TNRC6C: variants seen among roughly 807,000 people sequenced by gnomAD.
The protein encoded by TNRC6C is trinucleotide repeat containing adaptor 6C, also known as trinucleotide repeat-containing gene 6C protein.
TNRC6C carries 20 observed loss-of-function variants against 153.7 expected under a neutral mutation model. The observed-to-expected ratio is 0.13, with a 90% CI of 0.09 to 0.19. The LOEUF is 0.19. Ranked by LOEUF, TNRC6C falls within the 10% of genes least tolerant of loss-of-function variation. TNRC6C has a pLI of 1.00. For synonymous variants in TNRC6C, 811 were observed against 841.4 expected (o/e 0.96, Z 0.63); for missense variants, 1,987 against 2,172.0 (o/e 0.91, Z 1.69).
Position 78,079,359 on chromosome 17 carries a change from T to A in TNRC6C, c.3211-36T>A, listed in dbSNP as rs1483007680. The A allele has an allele frequency of 1.2e-6, 2 of 1,605,510 alleles. No individual in the cohort carries two copies. The highest frequency in any genetic ancestry group is 2.7e-5 in the African/African-American group (2 of 74,788). ...CTCCAAACAATGTTACTCTAATGCCTGCCTTGGTAACGTGTTTAATTCTGT... is the reference window on the plus strand; with the variant it reads ...CTCCAAACAATGTTACTCTAATGCCAGCCTTGGTAACGTGTTTAATTCTGT... On this transcript the variant is annotated intron_variant, in intron 9 of 19. Coordinates refer to ENST00000301624, the Ensembl canonical transcript of TNRC6C. This position sits in a 1 kb window ranked among gnomAD's most constrained non-coding sequence, Gnocchi z 4.3.
chr17:78,050,767 C>T (rs1358736738), exon 3 of TNRC6C: 2 of 1,599,906 alleles, frequency 1.3e-6, no homozygotes, highest in East Asian at 4.5e-5. Flanking sequence ...GGACAAGTCA[C>T]CCACCTGGGG....
intron 9 of TNRC6C, 95 bp downstream of exon 11, chr17:78,077,429 A>G (rs1416164179): frequency 4.8e-6 from 7 of 1,446,694 alleles, no homozygotes; most frequent in African/African-American, 1.4e-5. Flanking sequence ...TATAGTTAAT[A>G]CCTCTATTTT....
At chr17:78,061,877 T>C (rs2072775908) in intron 3 of TNRC6C, among the ~76,000 whole-genome samples, 1 of 152,240 alleles carries the variant, frequency 6.6e-6, no homozygotes, top group Non-Finnish European at 1.5e-5. Flanking sequence ...TGAACTATGC[T>C]TACCACAATC....
chr17:77,991,478 A>G (rs1256075997), intron 1 of TNRC6C, among the ~76,000 whole-genome samples: 3 of 152,130 alleles, frequency 2.0e-5, no homozygotes, highest in Non-Finnish European at 2.9e-5. Flanking sequence ...AGATGTGGGC[A>G]AGTTGTGGTC....
rs138274572 is a variant in TNRC6C at position 77,978,739 on chromosome 17, C to T, written c.-38+19471C>T. On this transcript the variant is annotated intron_variant, in intron 1 of 22. Coordinates refer to the TNRC6C transcript ENST00000636222. ...AGGGATGACAGACCCTGGTAAACAT[C>T]CCAGGCTTTTGGTTGGAACCACCCT... Among the ~76,000 whole-genome samples, 173 of 152,206 alleles carry T rather than the reference C, an allele frequency of 1.1e-3. 1 individual carries two copies. The highest frequency in any genetic ancestry group is 4.0e-3 in the African/African-American group (164 of 41,516).
At chr17:77,980,857 T>TG (rs374677898) in intron 1 of TNRC6C, among the ~76,000 whole-genome samples, 1 of 152,282 alleles carries the variant, frequency 6.6e-6, no homozygotes, top group Middle Eastern at 3.4e-3. Context: ...GAACAAGGTA[T>TG]GGGGGGTGGG....
exon 11 of TNRC6C, chr17:78,083,157 G>A (rs987589824): frequency 6.2e-7 from 1 of 1,613,718 alleles, no homozygotes; most frequent in Non-Finnish European, 8.5e-7. Context: ...AGCTCTATCA[G>A]CTGCAGCTGG....
intron 16 of TNRC6C, among the ~76,000 whole-genome samples, chr17:78,095,523 T>C (rs1178996416): frequency 6.6e-6 from 1 of 152,194 alleles, no homozygotes; most frequent in Non-Finnish European, 1.5e-5. Context: ...GTGCTCGACG[T>C]TTGGGTCTTG....
chr17:78,091,111 A>AT (rs1191034130), intron 13 of TNRC6C, among the ~76,000 whole-genome samples: 4 of 152,216 alleles, frequency 2.6e-5, no homozygotes, highest in Admixed American at 2.6e-4. Context: ...TTTCACCTTA[A>AT]TTTAGGAATA....
intron 2 of TNRC6C, among the ~76,000 whole-genome samples, chr17:78,038,571 C>T (rs561282972): frequency 3.3e-5 from 5 of 149,788 alleles, no homozygotes; most frequent in African/African-American, 7.4e-5. Flanking sequence ...CCCAGCTACT[C>T]GGGAGGCTGA....
intron 15 of TNRC6C, 153 bp downstream of exon 17, chr17:78,093,277 G>C (rs2073425199): frequency 1.1e-6 from 1 of 931,984 alleles, no homozygotes; most frequent in Admixed American, 2.9e-5. Context: ...AAATCCATTT[G>C]TCAGATCAAT....
intron 5 of TNRC6C, 104 bp from the exon 8 acceptor site, chr17:78,070,981 C>G (rs1030917917): frequency 8.9e-7 from 1 of 1,127,698 alleles, no homozygotes; most frequent in Non-Finnish European, 1.3e-6. Context: ...CAAAAAGATC[C>G]TGTGACTTTT....
At chr17:78,024,857 C>T (rs1050854978) in intron 1 of TNRC6C, among the ~76,000 whole-genome samples, 13 of 151,412 alleles carry the variant, frequency 8.6e-5, no homozygotes, top group African/African-American at 2.7e-4. Flanking sequence ...TGCAATGGTG[C>T]GATCTCAGCT....
chr17:78,101,557 C>CG (rs1555647320), intron 17 of TNRC6C, among the ~76,000 whole-genome samples: 2 of 152,092 alleles, frequency 1.3e-5, no homozygotes, highest in Non-Finnish European at 2.9e-5. Context: ...AGAAATAGAG[C>CG]GGTGTGAAGT....
At chr17:78,064,899 C>A (rs758329456) in exon 4 of TNRC6C, 1 of 1,611,864 alleles carries the variant, frequency 6.2e-7, no homozygotes, top group African/African-American at 1.3e-5. Flanking sequence ...TTTGGAAGAG[C>A]TGGCGCACCT....
chr17:78,034,892 C>G (rs1277539132), intron 2 of TNRC6C, among the ~76,000 whole-genome samples: 1 of 152,076 alleles, frequency 6.6e-6, no homozygotes, highest in Non-Finnish European at 1.5e-5. Context: ...TCGCTTGAGT[C>G]TGGGAGGTGG....
intron 1 of TNRC6C, among the ~76,000 whole-genome samples, chr17:77,972,987 C>A (rs911804223): frequency 2.6e-5 from 4 of 152,334 alleles, no homozygotes; most frequent in African/African-American, 9.6e-5. Context: ...CTCACCACAA[C>A]CTCCGCCTCC....
In TNRC6C at chr17:78,079,545, A is replaced by G. The variant is rs1316591104; in HGVS notation, c.3357+4A>G. 23 of 1,613,666 alleles carry G rather than the reference A, an allele frequency of 1.4e-5. No homozygotes were observed. Among genetic ancestry groups the G allele is most frequent in the Non-Finnish European group, 1.9e-5 (23 of 1,179,798 alleles). On this transcript the variant is annotated splice_donor_region_variant and intron_variant, in intron 10 of 19. Transcript: ENST00000301624. The surrounding 1 kb of genome is among the most constrained non-coding windows in gnomAD (Gnocchi z 4.3). ...GCCTCAGTTTCTATCCCCTCAGGTC[A>G]GACCCACATCCAAGCAGGACTGAGC...
intron 1 of TNRC6C, among the ~76,000 whole-genome samples, chr17:77,979,619 T>C (rs886107297): frequency 6.6e-6 from 1 of 152,152 alleles, no homozygotes; most frequent in African/African-American, 2.4e-5. Context: ...AAAATACTTA[T>C]AATTGGAATC....
Sources: allele counts gnomAD v4.1 joint callset (sites outside exome capture counted in the v4.1 genomes callset), GRCh38; gene constraint gnomAD v4.1.1; non-coding constraint Gnocchi (gnomAD v3.1); transcripts MANE v1.5; gene names NCBI Gene and HGNC (gene_info 2026-07-23, HGNC 2026-07-21).